Variants in RASGRP3 observed in about 807,000 individuals in gnomAD.
RASGRP3 encodes RAS guanyl releasing protein 3.
In RASGRP3, 54 loss-of-function variants were observed where a neutral mutation model predicts 82.7. The observed-to-expected ratio is 0.65, with a 90% CI of 0.52 to 0.82. The LOEUF is 0.82. Among genes scored for constraint, RASGRP3 ranks in the 40% least tolerant of loss-of-function variants. RASGRP3 has a pLI of 0.00. For missense variants in RASGRP3, 861 were observed against 828.9 expected (o/e 1.04, Z -0.48); for synonymous variants, 309 against 300.5 (o/e 1.03, Z -0.29).
Position 33,564,322 on chromosome 2 carries a change from G to C in RASGRP3, c.*1585G>C, listed in dbSNP as rs1677014111. 6.6e-6 allele frequency: 1 copy of C among 152,064 alleles called. No individual in the cohort carries two copies. The highest frequency in any genetic ancestry group is 1.5e-5 in the Non-Finnish European group (1 of 68,006). 9.4% of individuals were successfully genotyped at this position (152,064 alleles called of 1,614,324 possible). A position where few individuals can be genotyped will look rare whatever the true frequency, so the allele number is the denominator to read the frequency against. On this transcript the variant is annotated 3_prime_UTR_variant, in exon 18 of 18. Transcript: ENST00000403687. ...AGATTTACAGATTGGAAATACTGCAGATGATGTGAAGTTATCAGTTGGAGG... is the reference window on the plus strand; with the variant it reads ...AGATTTACAGATTGGAAATACTGCACATGATGTGAAGTTATCAGTTGGAGG...
At chr2:33,442,244 G>A (rs963558366) in intron 1 of RASGRP3, among the ~76,000 whole-genome samples, 17 of 152,164 alleles carry the variant, frequency 1.1e-4, no homozygotes, top group Admixed American at 3.9e-4. Flanking sequence ...TGCGCCTGTA[G>A]TCCCAGCTAC....
intron 1 of RASGRP3, among the ~76,000 whole-genome samples, chr2:33,498,280 T>G (rs1669520113): frequency 6.6e-6 from 1 of 152,334 alleles, no homozygotes; most frequent in East Asian, 1.9e-4. Context: ...ATTATTATTA[T>G]TCTATCATAC....
chr2:33,453,180 T>C (rs1665884114), intron 2 of RASGRP3, among the ~76,000 whole-genome samples: 1 of 152,232 alleles, frequency 6.6e-6, no homozygotes, highest in Non-Finnish European at 1.5e-5. Flanking sequence ...TCAAAATGGA[T>C]TAAGAATATT....
At chr2:33,440,232 C>T (rs890483489) in intron 1 of RASGRP3, among the ~76,000 whole-genome samples, 1 of 152,202 alleles carries the variant, frequency 6.6e-6, no homozygotes, top group South Asian at 2.1e-4. Flanking sequence ...GAAATAAAAA[C>T]GACAACATTT....
At chr2:33,470,063 T>C (rs1026194557) in intron 2 of RASGRP3, among the ~76,000 whole-genome samples, 1 of 152,172 alleles carries the variant, frequency 6.6e-6, no homozygotes, top group African/African-American at 2.4e-5. Context: ...ATCTCCCTTG[T>C]GGTTCTTTTC....
rs1405898739 is a variant in RASGRP3 at position 33,542,658 on chromosome 2, C to A, written c.1279-854C>A. 1.4e-5 allele frequency among the ~76,000 whole-genome samples: 2 copies of A among 139,474 alleles called. 1 individual carries two copies. The highest frequency in any genetic ancestry group is 3.1e-5 in the Non-Finnish European group (2 of 64,230). 91.5% of individuals were successfully genotyped at this position (139,474 alleles called of 152,430 possible). On this transcript the variant is annotated intron_variant, in intron 12 of 17. Transcript: ENST00000403687. ...ACCTTTCTTAATCCACCTCCTCTTT[C>A]CCCCCCCCACCAATATCACTCTATT...
chr2:33,539,913 GGGAAGCAGAGCTTGCAGTGAGGT>G (rs1674070246), intron 12 of RASGRP3: 1 of 152,044 alleles, frequency 6.6e-6, no homozygotes, highest in East Asian at 1.9e-4. Context: ...GAGTGAACCC[GGGAAGCAGAGCTTGCAGTGAGGT>G]GAGATCGCGC....
At position 33,534,411 on chromosome 2, in the gene RASGRP3, T is replaced by C; in HGVS notation, c.1161+11T>C. 2 of 1,512,762 alleles carry C rather than the reference T, an allele frequency of 1.3e-6. No individual in the cohort carries two copies. The highest frequency in any genetic ancestry group is 2.3e-5 in the South Asian group (2 of 85,584). The allele number at this position is 1,512,762 out of a possible 1,614,324, so 93.7% of individuals were successfully genotyped here. A position where few individuals can be genotyped will look rare whatever the true frequency, so the allele number is the denominator to read the frequency against. Reference sequence around the variant, plus strand: ...AGAAATTCTAAATCGGTAGGTATTATTTTCTCTCCAAGGATCAGTACCAAT... The same window carrying C: ...AGAAATTCTAAATCGGTAGGTATTACTTTCTCTCCAAGGATCAGTACCAAT... On this transcript the variant is annotated intron_variant, in intron 11 of 17. Coordinates refer to ENST00000403687, the MANE Select transcript of RASGRP3 (RefSeq NM_001139488.2).
At position 33,437,032 on chromosome 2, in the gene RASGRP3, TA is replaced by T. The variant is rs570408291; in HGVS notation, c.-385+442del. Among the ~76,000 whole-genome samples, 163 of 152,290 alleles carry T rather than the reference TA, an allele frequency of 1.1e-3. 1 individual carries two copies. Among genetic ancestry groups the T allele is most frequent in the South Asian group, 0.011 (51 of 4,824 alleles). On this transcript the variant is annotated intron_variant, in intron 1 of 18. Coordinates refer to the RASGRP3 transcript ENST00000402538. ...CAGAAATGGACAATTGTATAAAAGT[TA>T]TATATAAAATTTAAATTTTGTATAA... is the stretch of plus-strand genomic sequence containing the variant.
chr2:33,464,164 G>C (rs2150904165), intron 2 of RASGRP3, among the ~76,000 whole-genome samples: 1 of 148,228 alleles, frequency 6.7e-6, no homozygotes, highest in South Asian at 2.1e-4. Context: ...TGTTGTCCAG[G>C]CTGGAGTGCA....
intron 10 of RASGRP3, chr2:33,532,339 A>G (rs1213128812): frequency 1.3e-5 from 2 of 152,196 alleles, no homozygotes; most frequent in African/African-American, 4.8e-5. Flanking sequence ...AGTGATGTTC[A>G]TCACAAACCG....
intron 2 of RASGRP3, among the ~76,000 whole-genome samples, chr2:33,464,116 T>A (rs200239480): frequency 0.39 from 46,285 of 119,958 alleles, 8,612 homozygotes; most frequent in Non-Finnish European, 0.45. Context: ...TAATAATTAT[T>A]ATTATTATTA....
intron 10 of RASGRP3, among the ~76,000 whole-genome samples, chr2:33,530,342 G>T (rs1215532781): frequency 6.6e-6 from 1 of 152,146 alleles, no homozygotes; most frequent in Non-Finnish European, 1.5e-5. Flanking sequence ...TGCCTACTCC[G>T]TGTGGTAGGC....
At chr2:33,461,109 C>A (rs1042540861) in intron 2 of RASGRP3, among the ~76,000 whole-genome samples, 23 of 152,174 alleles carry the variant, frequency 1.5e-4, no homozygotes, top group Admixed American at 4.6e-4. Flanking sequence ...GGAATCAACA[C>A]CCATCCCTCA....
intron 2 of RASGRP3, chr2:33,514,084 C>G (rs1295031277): frequency 6.6e-6 from 1 of 152,132 alleles, no homozygotes; most frequent in Non-Finnish European, 1.5e-5. Flanking sequence ...TAATTACTAC[C>G]TTACAGCATT....
chr2:33,456,346 G>A lies in RASGRP3; in HGVS notation c.-261+8403G>A, dbSNP rs937546164. ...GATATTAATGTTATTTTTAATTTTC[G>A]ATTTATCATTCTTTCTTTCCTGACT... On this transcript the variant is annotated intron_variant, in intron 2 of 18. Transcript: ENST00000402538. Among the ~76,000 whole-genome samples, 5 of 134,272 alleles carry A rather than the reference G, an allele frequency of 3.7e-5. No individual in the cohort carries two copies. The East Asian group carries it at 7.8e-4, about 21-fold the overall frequency. The allele number at this position is 134,272 out of a possible 152,430, so 88.1% of individuals were successfully genotyped here. A position where few individuals can be genotyped will look rare whatever the true frequency, so the allele number is the denominator to read the frequency against.
chr2:33,450,909 C>T (rs1451335516), intron 2 of RASGRP3, among the ~76,000 whole-genome samples: 2 of 124,980 alleles, frequency 1.6e-5, no homozygotes, highest in African/African-American at 6.1e-5. Context: ...ATGATCTCGG[C>T]TCACTGCAAA....
In RASGRP3 at chr2:33,439,234, G is replaced by GGAAGT. The variant is rs1408083794; in HGVS notation, c.-385+2644_-385+2648dup. On this transcript the variant is annotated intron_variant, in intron 1 of 18. Coordinates refer to the RASGRP3 transcript ENST00000402538. ...AAACTCAATGTTAAGTTGAAAAAAGGGAAGTATACAGGACACAAAGCATCC... is the reference window on the plus strand; with the variant it reads ...AAACTCAATGTTAAGTTGAAAAAAGGGAAGTGAAGTATACAGGACACAAAGCATCC... Among the ~76,000 whole-genome samples, 12 of 152,122 alleles carry GGAAGT rather than the reference G, an allele frequency of 7.9e-5. 1 individual carries two copies. The highest frequency in any genetic ancestry group is 2.9e-4 in the African/African-American group (12 of 41,414).
At chr2:33,541,591 G>C (rs551080644) in intron 12 of RASGRP3, among the ~76,000 whole-genome samples, 1 of 146,780 alleles carries the variant, frequency 6.8e-6, no homozygotes, top group East Asian at 1.9e-4. Context: ...TAATCTGAGA[G>C]GTGAAAAAAA....
Sources: gnomAD v4.1 joint callset for allele counts (sites outside exome capture counted in the v4.1 genomes callset) on GRCh38, gnomAD v4.1.1 for gene constraint, MANE v1.5 for transcripts, NCBI Gene and HGNC (gene_info 2026-07-23, HGNC 2026-07-21) for gene names.